Variants in CCDC171 observed in about 807,000 individuals in gnomAD.
The protein encoded by CCDC171 is coiled-coil domain-containing protein 171.
CCDC171 carries 177 observed loss-of-function variants against 168.2 expected under a neutral mutation model. The ratio of observed to expected loss-of-function variants is 1.05; its 90% CI spans 0.93 to 1.19. CCDC171 has a LOEUF of 1.19. CCDC171 is among the 50% of genes most tolerant of loss of function. The pLI is 0.00. For missense variants in CCDC171, 1,991 were observed against 1,539.0 expected, an observed-to-expected ratio of 1.29 and a Z score of -4.91; for synonymous variants, 687 against 540.8, an observed-to-expected ratio of 1.27 and a Z score of -3.75.
At chr9:16,048,138 G>A (rs1175198345) in intron 1 of CCDC171, among the ~76,000 whole-genome samples, 3 of 152,250 alleles carry the variant, frequency 2.0e-5, no homozygotes, top group Non-Finnish European at 2.9e-5. Context: ...TGGCTGCCAA[G>A]CTTGAGCTGC....
At chr9:15,990,727 G>A (rs1380969615) in intron 3 of CCDC171, among the ~76,000 whole-genome samples, 2 of 152,128 alleles carry the variant, frequency 1.3e-5, no homozygotes, top group East Asian at 1.9e-4. Context: ...AGGGATGGAG[G>A]AAGATCTACC....
chr9:15,808,771 A>C lies in CCDC171; in HGVS notation c.3267+24077A>C, dbSNP rs1331237023. ...GATGGGCTGTCTGTGTTGTCTTTCA[A>C]GTCACCCAGAATGATAGGATGTTGC... On this transcript the variant is annotated intron_variant, in intron 21 of 25. Transcript: ENST00000380701. Among the ~76,000 whole-genome samples, 2 of 152,184 alleles carry C rather than the reference A, an allele frequency of 1.3e-5. 1 individual carries two copies. Among genetic ancestry groups the C allele is most frequent in the Admixed American group, 1.3e-4 (2 of 15,278 alleles).
chr9:15,751,664 A>C (rs1170425943), intron 18 of CCDC171, among the ~76,000 whole-genome samples: 1 of 152,236 alleles, frequency 6.6e-6, no homozygotes, highest in African/African-American at 2.4e-5. Flanking sequence ...TGGGGAAAGC[A>C]TTCCCTATTT....
At chr9:15,958,698 C>T (rs972384445) in intron 25 of CCDC171, among the ~76,000 whole-genome samples, 1 of 151,920 alleles carries the variant, frequency 6.6e-6, no homozygotes. Flanking sequence ...GGCTCCAAGA[C>T]AGGAGAAAGC....
the CCDC171 span, among the ~76,000 whole-genome samples, chr9:16,098,114 C>A: frequency 6.6e-6 from 1 of 152,186 alleles, no homozygotes; most frequent in African/African-American, 2.4e-5. Flanking sequence ...TTATTGAGAA[C>A]ATACACATCA....
chr9:15,960,273 T>A (rs1470352138), intron 25 of CCDC171, among the ~76,000 whole-genome samples: 1 of 152,218 alleles, frequency 6.6e-6, no homozygotes, highest in Admixed American at 6.5e-5. Context: ...GTCTAATAAA[T>A]AATCCCCAAA....
At chr9:15,893,857 G>A (rs1820532485) in intron 24 of CCDC171, among the ~76,000 whole-genome samples, 1 of 152,156 alleles carries the variant, frequency 6.6e-6, no homozygotes, top group Non-Finnish European at 1.5e-5. Context: ...CACTGTGGAA[G>A]ACAGCATGGC....
chr9:15,643,677 A>G (rs2046813693), intron 7 of CCDC171, among the ~76,000 whole-genome samples: 1 of 152,138 alleles, frequency 6.6e-6, no homozygotes, highest in Non-Finnish European at 1.5e-5. Context: ...GAGCGTTTTC[A>G]TCACCCCACT....
At chr9:15,848,477 A>G (rs2060994692) in intron 22 of CCDC171, among the ~76,000 whole-genome samples, 1 of 151,928 alleles carries the variant, frequency 6.6e-6, no homozygotes, top group Admixed American at 6.6e-5. Context: ...ATGGTCATTT[A>G]TTATATATCC....
chr9:16,064,067 G>A (rs1047426800), downstream of CCDC171, among the ~76,000 whole-genome samples: 4 of 152,138 alleles, frequency 2.6e-5, no homozygotes, highest in East Asian at 1.9e-4. Flanking sequence ...TTTCCCAGCC[G>A]CCTCATGACT....
the CCDC171 span, among the ~76,000 whole-genome samples, chr9:16,078,069 C>CAT: frequency 1.1e-5 from 1 of 91,512 alleles, no homozygotes; most frequent in Non-Finnish European, 2.0e-5. Flanking sequence ...CACACACACA[C>CAT]ACACACACAC....
At chr9:15,682,504 A>G (rs938486117) in intron 10 of CCDC171, among the ~76,000 whole-genome samples, 19 of 152,020 alleles carry the variant, frequency 1.2e-4, no homozygotes, top group African/African-American at 4.6e-4. Context: ...ACATATTTAT[A>G]TGGTACACTG....
At chr9:15,653,143 T>C (rs1471001317) in intron 7 of CCDC171, among the ~76,000 whole-genome samples, 1 of 152,154 alleles carries the variant, frequency 6.6e-6, no homozygotes, top group African/African-American at 2.4e-5. Context: ...TGAAAATATA[T>C]ACCTATATAT....
At chr9:15,809,647 C>T (rs1042566128) in intron 21 of CCDC171, among the ~76,000 whole-genome samples, 5 of 152,072 alleles carry the variant, frequency 3.3e-5, no homozygotes, top group Non-Finnish European at 7.4e-5. Flanking sequence ...TTGTTCATTC[C>T]TCCTGGTGGC....
intron 10 of CCDC171, among the ~76,000 whole-genome samples, chr9:15,679,927 C>T (rs949224896): frequency 2.0e-5 from 3 of 152,232 alleles, no homozygotes; most frequent in East Asian, 1.9e-4. Context: ...TGCTCCTTTT[C>T]TTTTCCATTA....
rs1476129455 is a variant in CCDC171, at chr9:15,553,239, C to G, written c.-175C>G. The G allele has an allele frequency of 3.3e-5, 5 of 152,776 alleles. No homozygotes were observed. The highest frequency in any genetic ancestry group is 1.2e-4 in the African/African-American group (5 of 41,452). The allele number at this position is 152,776 out of a possible 1,614,324, so 9.5% of individuals were successfully genotyped here. A position where few individuals can be genotyped will look rare whatever the true frequency, so the allele number is the denominator to read the frequency against. ...TGGGCTGCCTGGGCCTCCTTTCACC[C>G]GTGAGACTTGGAGCGGCCCCTGGGG... On this transcript the variant is annotated 5_prime_UTR_variant, in exon 1 of 26. Coordinates refer to ENST00000380701, the MANE Select transcript of CCDC171 (RefSeq NM_173550.4).
chr9:15,752,058 T>G (rs2055782866), intron 18 of CCDC171, among the ~76,000 whole-genome samples: 1 of 151,894 alleles, frequency 6.6e-6, no homozygotes, highest in South Asian at 2.1e-4. Context: ...TAAACAAATT[T>G]ACAAGAAAAA....
chr9:15,561,545 C>G (rs1325342607), intron 1 of CCDC171, among the ~76,000 whole-genome samples: 1 of 152,136 alleles, frequency 6.6e-6, no homozygotes, highest in Non-Finnish European at 1.5e-5. Flanking sequence ...TTTAACTTAA[C>G]TTTGTATTCC....
At chr9:15,730,114 A>T (rs377001180) in intron 16 of CCDC171, among the ~76,000 whole-genome samples, 5 of 151,946 alleles carry the variant, frequency 3.3e-5, no homozygotes, top group Non-Finnish European at 5.9e-5. Flanking sequence ...ATATTAAAGT[A>T]TTTGGTAATG....
Sources: gnomAD v4.1 joint callset for allele counts (sites outside exome capture counted in the v4.1 genomes callset) on GRCh38, gnomAD v4.1.1 for gene constraint, MANE v1.5 for transcripts, NCBI Gene and HGNC (gene_info 2026-07-23, HGNC 2026-07-21) for gene names.